CCSER1: variants seen among roughly 807,000 people sequenced by gnomAD.
CCSER1 encodes serine-rich coiled-coil domain-containing protein 1.
Under a neutral mutation model 82.0 loss-of-function variants are expected in CCSER1, and 41 were observed. The ratio of observed to expected loss-of-function variants is 0.50; its 90% CI spans 0.39 to 0.65. The LOEUF (loss-of-function observed/expected upper bound fraction) is 0.65. Ranked by LOEUF, CCSER1 falls within the 30% of genes least tolerant of loss-of-function variation. CCSER1 has a pLI of 0.00. For missense variants in CCSER1, 1,119 were observed against 1,064.2 expected, an observed-to-expected ratio of 1.05 and a Z score of -0.72; for synonymous variants, 414 against 383.9, an observed-to-expected ratio of 1.08 and a Z score of -0.92.
chr4:90,598,805 A>G (rs1489358763), intron 5 of CCSER1, among the ~76,000 whole-genome samples: 1 of 152,092 alleles, frequency 6.6e-6, no homozygotes, highest in Non-Finnish European at 1.5e-5. Context: ...GTCAGGGGAC[A>G]GGGTAGACAT....
chr4:91,233,675 A>T (rs1489557821), intron 10 of CCSER1, among the ~76,000 whole-genome samples: 1 of 152,002 alleles, frequency 6.6e-6, no homozygotes, highest in Non-Finnish European at 1.5e-5. Flanking sequence ...GTAGTAAAAT[A>T]AAAATCTATC....
chr4:91,006,073 T>C (rs1315949309), intron 9 of CCSER1, among the ~76,000 whole-genome samples: 2 of 152,222 alleles, frequency 1.3e-5, no homozygotes, highest in Non-Finnish European at 2.9e-5. Context: ...TATGGTTCCA[T>C]ATGACTTTTA....
chr4:91,080,053 T>C (rs138384423), intron 9 of CCSER1, among the ~76,000 whole-genome samples: 1 of 152,168 alleles, frequency 6.6e-6, no homozygotes, highest in African/African-American at 2.4e-5. Flanking sequence ...AACTCAGCTC[T>C]GCACCAAGCA....
At chr4:90,962,459 G>A (rs1270393262) in intron 9 of CCSER1, among the ~76,000 whole-genome samples, 1 of 151,958 alleles carries the variant, frequency 6.6e-6, no homozygotes, top group Non-Finnish European at 1.5e-5. Context: ...TTTAAAAAAG[G>A]AATATTTTAA....
In CCSER1 at chr4:91,315,017, G is replaced by T. The variant is rs544739699; in HGVS notation, c.2217+229023G>T. On this transcript the variant is annotated intron_variant, in intron 10 of 10. Transcript: ENST00000509176. ...CTGTGGGCAACTAGAGTTTAGTCCTGCAGGAAAACTCTGAACAATAGTAGA... is the reference window on the plus strand; with the variant it reads ...CTGTGGGCAACTAGAGTTTAGTCCTTCAGGAAAACTCTGAACAATAGTAGA... 4.0e-4 allele frequency among the ~76,000 whole-genome samples: 61 copies of T among 152,032 alleles called. No homozygotes were observed. The South Asian group carries it at 5.8e-3, about 14-fold the overall frequency.
intron 6 of CCSER1, among the ~76,000 whole-genome samples, chr4:90,662,653 G>A (rs1579797060): frequency 6.6e-6 from 1 of 151,906 alleles, no homozygotes; most frequent in Non-Finnish European, 1.5e-5. Flanking sequence ...AATTTGATTT[G>A]CATTTTCATG....
chr4:91,094,133 G>A (rs190119297), intron 10 of CCSER1, among the ~76,000 whole-genome samples: 2 of 152,290 alleles, frequency 1.3e-5, no homozygotes, highest in Non-Finnish European at 2.9e-5. Context: ...ATCTGCCGTG[G>A]AGTGTCCTAG....
At chr4:90,316,902 A>G (rs992125880) in intron 3 of CCSER1, among the ~76,000 whole-genome samples, 1 of 152,210 alleles carries the variant, frequency 6.6e-6, no homozygotes, top group South Asian at 2.1e-4. Context: ...AAGGAATCCA[A>G]AGTAAATTTG....
At chr4:90,573,112 G>A (rs1780309009) in intron 5 of CCSER1, among the ~76,000 whole-genome samples, 1 of 152,250 alleles carries the variant, frequency 6.6e-6, no homozygotes, top group South Asian at 2.1e-4. Flanking sequence ...CAGTGCGCCT[G>A]TAGTGGGCAT....
intron 8 of CCSER1, among the ~76,000 whole-genome samples, chr4:90,824,968 T>C (rs1210152322): frequency 2.6e-5 from 4 of 152,166 alleles, no homozygotes; most frequent in African/African-American, 7.2e-5. Flanking sequence ...AAGACAGATG[T>C]AGAGTGTGAA....
At chr4:91,128,946 G>A (rs1727749922) in intron 10 of CCSER1, among the ~76,000 whole-genome samples, 1 of 152,034 alleles carries the variant, frequency 6.6e-6, no homozygotes. Context: ...AGAAAAATTA[G>A]GACATCCATT....
At chr4:91,224,700 C>G (rs868316227) in intron 10 of CCSER1, among the ~76,000 whole-genome samples, 1 of 152,074 alleles carries the variant, frequency 6.6e-6, no homozygotes, top group Non-Finnish European at 1.5e-5. Context: ...CAAATATACA[C>G]TAACATCTCC....
intron 7 of CCSER1, among the ~76,000 whole-genome samples, chr4:90,783,012 C>T (rs1754021042): frequency 1.3e-5 from 2 of 152,018 alleles, no homozygotes; most frequent in Admixed American, 1.3e-4. Context: ...TGGCTCACTG[C>T]AACACTGTAA....
intron 1 of CCSER1, among the ~76,000 whole-genome samples, chr4:90,251,949 C>G (rs1404841521): frequency 6.6e-6 from 1 of 151,644 alleles, no homozygotes; most frequent in African/African-American, 2.4e-5. Context: ...TTTATTTCAG[C>G]CGTTTGTGCT....
chr4:91,150,043 G>A (rs950976474), intron 10 of CCSER1, among the ~76,000 whole-genome samples: 1 of 152,076 alleles, frequency 6.6e-6, no homozygotes, highest in African/African-American at 2.4e-5. Flanking sequence ...GATGGGGATG[G>A]CATTGAATCT....
chr4:91,173,012 A>C (rs1293178835), intron 10 of CCSER1, among the ~76,000 whole-genome samples: 7 of 152,192 alleles, frequency 4.6e-5, no homozygotes, highest in African/African-American at 1.7e-4. Context: ...TATTACATTT[A>C]GACTATTGAA....
chr4:90,248,700 A>AT lies in CCSER1; in HGVS notation c.-41-59529dup, dbSNP rs113045025. 4.8e-3 allele frequency among the ~76,000 whole-genome samples: 689 copies of AT among 143,400 alleles called. 5 individuals are homozygous for AT. The highest frequency in any genetic ancestry group is 0.02 in the East Asian group (99 of 4,918). 94.1% of individuals were successfully genotyped at this position (143,400 alleles called of 152,430 possible). A position where few individuals can be genotyped will look rare whatever the true frequency, so the allele number is the denominator to read the frequency against. On this transcript the variant is annotated intron_variant, in intron 1 of 10. Transcript: ENST00000509176. Reference sequence around the variant, plus strand: ...GACTGATTTATGTGTAGAATTTTAGATTTTTTTTTTTTTTTGAGACGGTTT... The same window carrying AT: ...GACTGATTTATGTGTAGAATTTTAGATTTTTTTTTTTTTTTTGAGACGGTTT...
intron 10 of CCSER1, among the ~76,000 whole-genome samples, chr4:91,382,508 G>T (rs934460801): frequency 1.4e-4 from 21 of 152,230 alleles, no homozygotes; most frequent in Non-Finnish European, 1.8e-4. Flanking sequence ...CTCTGAGCCA[G>T]GCATGGGATA....
chr4:90,496,971 C>CAAAAAAAAAA (rs771281710), intron 5 of CCSER1, among the ~76,000 whole-genome samples: 33 of 55,086 alleles, frequency 6.0e-4, no homozygotes, highest in African/African-American at 8.5e-4. Context: ...AGCGAGACTA[C>CAAAAAAAAAA]AAAAAAAAAA....
Sources: gnomAD v4.1 joint callset for allele counts (sites outside exome capture counted in the v4.1 genomes callset) on GRCh38, gnomAD v4.1.1 for gene constraint, MANE v1.5 for transcripts, NCBI Gene and HGNC (gene_info 2026-07-23, HGNC 2026-07-21) for gene names.